Variants in HYCC2 observed in about 807,000 individuals in gnomAD.
HYCC2 encodes hyccin 2.
chr2:201,028,192 T>A, the HYCC2 span, among the ~76,000 whole-genome samples: 1 of 152,052 alleles, frequency 6.6e-6, no homozygotes, highest in Non-Finnish European at 1.5e-5. Context: ...AAGAGCCAAA[T>A]CATGAGTGAA....
At chr2:201,057,737 A>AG in the HYCC2 span, among the ~76,000 whole-genome samples, 1 of 152,104 alleles carries the variant, frequency 6.6e-6, no homozygotes, top group Non-Finnish European at 1.5e-5. Context: ...AAAAAAAAAA[A>AG]CTTAGGCCTG....
the HYCC2 span, chr2:200,980,675 G>A: frequency 6.5e-6 from 1 of 153,632 alleles, no homozygotes; most frequent in Non-Finnish European, 1.5e-5. Context: ...TAAAGGAGAT[G>A]GGGGGGTGGA....
chr2:201,033,821 GAGCCACTGCACCCAGCCA>G, the HYCC2 span, among the ~76,000 whole-genome samples: 1 of 152,028 alleles, frequency 6.6e-6, no homozygotes, highest in African/African-American at 2.4e-5. Context: ...TTACAGGCAT[GAGCCACTGCACCCAGCCA>G]AGCCAAATAC....
chr2:200,982,230 G>GAAA, the HYCC2 span, among the ~76,000 whole-genome samples: 2 of 119,104 alleles, frequency 1.7e-5, no homozygotes, highest in Non-Finnish European at 1.8e-5. Context: ...CTACCTACTG[G>GAAA]AAAAAAAAAA....
the HYCC2 span, among the ~76,000 whole-genome samples, chr2:201,070,521 G>A: frequency 1.3e-5 from 2 of 151,918 alleles, no homozygotes; most frequent in East Asian, 3.9e-4. Flanking sequence ...GCGTGGTGGC[G>A]CATGCCTGTA....
At chr2:201,070,225 T>G in the HYCC2 span, among the ~76,000 whole-genome samples, 30 of 152,302 alleles carry the variant, frequency 2.0e-4, no homozygotes, top group African/African-American at 7.2e-4. Context: ...TTTTTTTAAA[T>G]AAGATAATTT....
the HYCC2 span, chr2:200,975,485 TAC>T: frequency 2.6e-5 from 4 of 152,094 alleles, no homozygotes; most frequent in African/African-American, 9.6e-5. Flanking sequence ...TACTTCCAGA[TAC>T]ACATTTTTAA....
the HYCC2 span, among the ~76,000 whole-genome samples, chr2:201,029,571 C>T: frequency 6.6e-6 from 1 of 152,080 alleles, no homozygotes; most frequent in Non-Finnish European, 1.5e-5. Flanking sequence ...AAATGTGGCA[C>T]ATATATACCA....
At chr2:200,991,943 G>A in the HYCC2 span, among the ~76,000 whole-genome samples, 3 of 151,098 alleles carry the variant, frequency 2.0e-5, no homozygotes, top group South Asian at 2.1e-4. Context: ...TGTCGGGGCC[G>A]GGGGGGGAGG....
chr2:201,063,090 T>C, the HYCC2 span: 2 of 1,609,360 alleles, frequency 1.2e-6, no homozygotes, highest in Non-Finnish European at 1.7e-6. Context: ...CCTGCCGTCA[T>C]GTCTAAGTCA....
At chr2:201,011,466 C>A in the HYCC2 span, 4 of 1,556,726 alleles carry the variant, frequency 2.6e-6, no homozygotes, top group Non-Finnish European at 3.5e-6. Context: ...TCTTTATCAG[C>A]GATTTCCTAT....
the HYCC2 span, among the ~76,000 whole-genome samples, chr2:201,046,291 G>A: frequency 1.3e-5 from 2 of 152,106 alleles, no homozygotes; most frequent in Non-Finnish European, 2.9e-5. Context: ...AAAGAATACT[G>A]TGATAAAATT....
chr2:201,067,802 G>A, the HYCC2 span, among the ~76,000 whole-genome samples: 11 of 152,310 alleles, frequency 7.2e-5, no homozygotes, highest in African/African-American at 2.4e-4. Flanking sequence ...TCTAGAACTA[G>A]ATAGCTTTCA....
chr2:201,010,103 CAAAAA>C, the HYCC2 span, among the ~76,000 whole-genome samples: 1 of 70,742 alleles, frequency 1.4e-5, no homozygotes, highest in Admixed American at 1.6e-4. Flanking sequence ...GACTCTGTCT[CAAAAA>C]AAAAAAAAAA....
chr2:200,987,289 C>T, the HYCC2 span: 1 of 1,199,494 alleles, frequency 8.3e-7, no homozygotes, highest in Non-Finnish European at 1.1e-6. Flanking sequence ...GAAAGATGCT[C>T]TGCTTGGGGA....
chr2:201,056,290 C>T, the HYCC2 span, among the ~76,000 whole-genome samples: 2 of 152,240 alleles, frequency 1.3e-5, no homozygotes, highest in African/African-American at 4.8e-5. Context: ...TAGTGTGATG[C>T]TCTGCCCATT....
chr2:201,013,360 C>T, the HYCC2 span, among the ~76,000 whole-genome samples: 2 of 151,818 alleles, frequency 1.3e-5, no homozygotes, highest in South Asian at 4.2e-4. Context: ...ATCCCAGCTA[C>T]TTGGGAGGCT....
At chr2:201,006,543 T>A in the HYCC2 span, among the ~76,000 whole-genome samples, 1 of 151,950 alleles carries the variant, frequency 6.6e-6, no homozygotes, top group Non-Finnish European at 1.5e-5. Flanking sequence ...TTATACTAGA[T>A]GCCTGAAAGA....
At chr2:200,975,512 ACT>A in the HYCC2 span, 4 of 152,032 alleles carry the variant, frequency 2.6e-5, no homozygotes, top group Non-Finnish European at 5.9e-5. Context: ...ACTCATTTAT[ACT>A]CTAAGCTACA....
Sources: allele counts gnomAD v4.1 joint callset (sites outside exome capture counted in the v4.1 genomes callset), GRCh38; gene constraint gnomAD v4.1.1; transcripts MANE v1.5; gene names NCBI Gene and HGNC (gene_info 2026-07-23, HGNC 2026-07-21).